ZNF676: variants seen among roughly 807,000 people sequenced by gnomAD.
The protein encoded by ZNF676 is zinc finger protein 676.
In ZNF676, 4 loss-of-function variants were observed where a neutral mutation model predicts 6.0. That is an observed-to-expected ratio of 0.67 (90% CI 0.33 to 1.53). The LOEUF (loss-of-function observed/expected upper bound fraction) is 1.53. ZNF676 is among the 40% of genes most tolerant of loss of function. The probability of loss-of-function intolerance (pLI) is 0.06; values close to 1 mark genes in which losing one functional copy is unlikely to be tolerated. For missense variants in ZNF676, 644 were observed against 679.7 expected (o/e 0.95, Z 0.58); for synonymous variants, 198 against 223.1 (o/e 0.89, Z 1.00).
At chr19:22,240,890 T>C in the ZNF676 span, among the ~76,000 whole-genome samples, 1 of 151,920 alleles carries the variant, frequency 6.6e-6, no homozygotes, top group Admixed American at 6.5e-5. Flanking sequence ...AGAGTCAACA[T>C]ACATGGATGA....
the ZNF676 span, among the ~76,000 whole-genome samples, chr19:22,238,579 T>C: frequency 6.6e-6 from 1 of 152,178 alleles, no homozygotes; most frequent in African/African-American, 2.4e-5. Flanking sequence ...CTTAATATTC[T>C]GTTCCTCTAG....
At chr19:22,184,660 TG>T (rs1185462420) in intron 2 of ZNF676, among the ~76,000 whole-genome samples, 1 of 151,570 alleles carries the variant, frequency 6.6e-6, no homozygotes, top group Non-Finnish European at 1.5e-5. Flanking sequence ...AAGCTTGACC[TG>T]GGAAGCTCGA....
the ZNF676 span, among the ~76,000 whole-genome samples, chr19:22,225,161 G>A: frequency 6.6e-6 from 1 of 152,078 alleles, no homozygotes; most frequent in Non-Finnish European, 1.5e-5. Context: ...TCAGCTTTCT[G>A]TTTTTATGAG....
At chr19:22,205,244 T>C (rs941615683) in intron 1 of ZNF676, among the ~76,000 whole-genome samples, 1 of 152,116 alleles carries the variant, frequency 6.6e-6, no homozygotes, top group Non-Finnish European at 1.5e-5. Flanking sequence ...AATGGAGAGA[T>C]CATTGAAGAA....
intron 1 of ZNF676, among the ~76,000 whole-genome samples, chr19:22,196,202 A>G (rs898205919): frequency 5.3e-5 from 8 of 152,276 alleles, no homozygotes; most frequent in East Asian, 1.9e-4. Context: ...ACTGTTTATC[A>G]TGAGTGCAGA....
At chr19:22,202,222 A>T (rs2024033491) in intron 1 of ZNF676, among the ~76,000 whole-genome samples, 1 of 151,976 alleles carries the variant, frequency 6.6e-6, no homozygotes, top group South Asian at 2.1e-4. Context: ...TTTTACTCTG[A>T]TTGGGTTTCT....
At chr19:22,242,061 TACAAAAAGGAG>T in the ZNF676 span, among the ~76,000 whole-genome samples, 59 of 151,990 alleles carry the variant, frequency 3.9e-4, no homozygotes, top group African/African-American at 1.2e-3. Context: ...ATGACCTTCC[TACAAAAAGGAG>T]ACTCAGGATC....
chr19:22,196,469 T>C, intron 1 of ZNF676, 131 bp downstream of exon 1: 1 of 1,558,962 alleles, frequency 6.4e-7, no homozygotes, highest in Non-Finnish European at 8.7e-7. Context: ...CCACGACCCC[T>C]TCTTCCAAAT....
At chr19:22,219,011 A>ATT (rs35080714), upstream of ZNF676, among the ~76,000 whole-genome samples, 23 of 123,140 alleles carry the variant, frequency 1.9e-4, no homozygotes, top group Middle Eastern at 4.8e-3. Context: ...AAATTTTAGG[A>ATT]TTTTTTTTTT....
the ZNF676 span, among the ~76,000 whole-genome samples, chr19:22,241,920 A>G: frequency 6.6e-6 from 1 of 151,732 alleles, no homozygotes; most frequent in African/African-American, 2.4e-5. Flanking sequence ...CCTTGTGTGA[A>G]TGCAATAATC....
the ZNF676 span, among the ~76,000 whole-genome samples, chr19:22,221,915 TTTTGTTTG>T: frequency 3.9e-5 from 6 of 152,144 alleles, no homozygotes; most frequent in African/African-American, 1.4e-4. Context: ...GACCATTGTT[TTTTGTTTG>T]TTTGTTTGTT....
chr19:22,218,650 C>A (rs554319959), upstream of ZNF676, among the ~76,000 whole-genome samples: 1 of 151,904 alleles, frequency 6.6e-6, no homozygotes, highest in South Asian at 2.1e-4. Context: ...AGCCGAAGAT[C>A]CAGTTTTATT....
rs1328173964 is a variant in ZNF676, at chr19:22,193,089, G to T, written c.57C>A (p.Asp19Glu). ...VFLGIAAFKP[D>E]LIIFLEQGKE... Reference sequence around the variant, plus strand: ...TTCCTTGCTCCAGAAAAATGATCAGGTCTGGCTTAAAGGCAGCAATACCTG... The same window carrying T: ...TTCCTTGCTCCAGAAAAATGATCAGTTCTGGCTTAAAGGCAGCAATACCTG... The change falls in exon 2 of 3, where the codon GAC becomes GAA. Residue 19 changes from aspartate to glutamate, a missense_variant. Coordinates refer to ENST00000397121, the MANE Select transcript of ZNF676 (RefSeq NM_001001411.3). The T allele has an allele frequency of 6.2e-7, 1 of 1,605,782 alleles. No homozygotes were observed. The highest frequency in any genetic ancestry group is 1.7e-5 in the Admixed American group (1 of 58,408).
the ZNF676 span, among the ~76,000 whole-genome samples, chr19:22,221,530 A>T: frequency 6.6e-6 from 1 of 152,094 alleles, no homozygotes; most frequent in Non-Finnish European, 1.5e-5. Flanking sequence ...GCAGGTGGAT[A>T]ACCTGAGGTC....
chr19:22,190,733 T>TAATA lies in ZNF676; in HGVS notation c.130+2279_130+2282dup, dbSNP rs201197627. Among the ~76,000 whole-genome samples, 748 of 141,982 alleles carry TAATA rather than the reference T, an allele frequency of 5.3e-3. 4 individuals carry two copies. The highest frequency in any genetic ancestry group is 0.018 in the African/African-American group (707 of 39,354). 93.1% of individuals were successfully genotyped at this position (141,982 alleles called of 152,430 possible). A position where few individuals can be genotyped will look rare whatever the true frequency, so the allele number is the denominator to read the frequency against. On this transcript the variant is annotated intron_variant, in intron 2 of 2. Transcript: ENST00000397121. ...CATAGCAATAATTATTACTGTAAAC[T>TAATA]AATAAAGGCAATGCAAATTTGTTAC...
chr19:22,255,793 C>T, the ZNF676 span, among the ~76,000 whole-genome samples: 26 of 150,704 alleles, frequency 1.7e-4, no homozygotes, highest in East Asian at 3.5e-3. Flanking sequence ...TGCAGTGAGC[C>T]GAGATAGTGC....
At chr19:22,220,001 G>A (rs996613466), upstream of ZNF676, among the ~76,000 whole-genome samples, 11 of 151,992 alleles carry the variant, frequency 7.2e-5, no homozygotes, top group Non-Finnish European at 1.5e-4. Flanking sequence ...CCTCTATCCC[G>A]ATTTTGCTGA....
At chr19:22,217,233 G>A (rs1447952976), upstream of ZNF676, among the ~76,000 whole-genome samples, 14 of 151,648 alleles carry the variant, frequency 9.2e-5, no homozygotes, top group East Asian at 1.9e-4. Flanking sequence ...ACAGAGTTTC[G>A]CTCTTATTGC....
chr19:22,189,232 C>A (rs1182511077), intron 2 of ZNF676, among the ~76,000 whole-genome samples: 1 of 152,000 alleles, frequency 6.6e-6, no homozygotes, highest in Non-Finnish European at 1.5e-5. Flanking sequence ...CTTTGACAAA[C>A]CTGACAAAAA....
Sources: gnomAD v4.1 joint callset for allele counts (sites outside exome capture counted in the v4.1 genomes callset) on GRCh38, gnomAD v4.1.1 for gene constraint, MANE v1.5 for transcripts, NCBI Gene and HGNC (gene_info 2026-07-23, HGNC 2026-07-21) for gene names.